HMGCLL1: variants seen among roughly 807,000 people sequenced by gnomAD.
HMGCLL1 encodes 3-hydroxymethyl-3-methylglutaryl-CoA lyase, cytoplasmic.
A neutral mutation model predicts 39.1 loss-of-function variants in HMGCLL1; 36 were observed. The ratio of observed to expected loss-of-function variants is 0.92; its 90% confidence interval spans 0.71 to 1.22. The LOEUF (loss-of-function observed/expected upper bound fraction) is 1.22. Among genes scored for constraint, HMGCLL1 ranks in the 50% most tolerant of loss-of-function variants. The pLI is 0.00. For synonymous variants in HMGCLL1, 149 were observed against 144.0 expected (o/e 1.03, Z -0.25); for missense variants, 451 against 416.5 (o/e 1.08, Z -0.72).
the HMGCLL1 span, among the ~76,000 whole-genome samples, chr6:55,645,911 AT>A: frequency 6.6e-6 from 1 of 151,908 alleles, no homozygotes; most frequent in Admixed American, 6.6e-5. Context: ...CTCATATAAA[AT>A]GAGTTTGAAA....
the HMGCLL1 span, among the ~76,000 whole-genome samples, chr6:55,621,928 G>A: frequency 6.6e-6 from 1 of 151,840 alleles, no homozygotes; most frequent in African/African-American, 2.4e-5. Flanking sequence ...ATCATGAAGT[G>A]TGTTAAATTT....
intron 7 of HMGCLL1, among the ~76,000 whole-genome samples, chr6:55,483,095 C>T (rs1400357774): frequency 1.3e-5 from 2 of 152,100 alleles, no homozygotes; most frequent in Non-Finnish European, 2.9e-5. Context: ...AAATAATAAC[C>T]TGAATAAATT....
At chr6:55,583,486 A>T (rs973257547), upstream of HMGCLL1, among the ~76,000 whole-genome samples, 1 of 151,926 alleles carries the variant, frequency 6.6e-6, no homozygotes, top group Admixed American at 6.6e-5. Flanking sequence ...GAGAATGATG[A>T]TTTCCAATTT....
At chr6:55,590,739 G>A in the HMGCLL1 span, among the ~76,000 whole-genome samples, 1 of 151,768 alleles carries the variant, frequency 6.6e-6, no homozygotes, top group South Asian at 2.1e-4. Context: ...ATAAATATAA[G>A]CACATAAATT....
chr6:55,534,803 G>A (rs1768919780), intron 3 of HMGCLL1, among the ~76,000 whole-genome samples: 1 of 152,166 alleles, frequency 6.6e-6, no homozygotes, highest in Admixed American at 6.5e-5. Flanking sequence ...AAGATTATTT[G>A]GTGTGCGGGT....
chr6:55,566,231 T>C (rs1274858353), intron 1 of HMGCLL1, among the ~76,000 whole-genome samples: 2 of 152,112 alleles, frequency 1.3e-5, no homozygotes, highest in Admixed American at 1.3e-4. Flanking sequence ...CCAAAAACAT[T>C]TGGAAGGAAA....
Position 55,570,956 on chromosome 6 carries a change from C to T in HMGCLL1, c.108+7992G>A, listed in dbSNP as rs373790178. On this transcript the variant is annotated intron_variant, in intron 1 of 8. Coordinates refer to ENST00000274901, the MANE Select transcript of HMGCLL1 (RefSeq NM_001042406.2). Reference sequence around the variant, plus strand: ...CAGGCGAGAGAGAATGAGAGCCAAGCGAAAGGGGAAACCCCTTATAAAGCC... The same window carrying T: ...CAGGCGAGAGAGAATGAGAGCCAAGTGAAAGGGGAAACCCCTTATAAAGCC... Among the ~76,000 whole-genome samples the T allele has an allele frequency of 1.3e-3, 191 of 152,228 alleles. 1 individual carries two copies. The highest frequency in any genetic ancestry group is 4.1e-3 in the African/African-American group (171 of 41,550).
chr6:55,512,644 GTCTAAC>G (rs990942378), intron 5 of HMGCLL1: 181 of 152,170 alleles, frequency 1.2e-3, no homozygotes, highest in African/African-American at 4.3e-3. Context: ...ACTAGGTATA[GTCTAAC>G]TCTAATTGTT....
At chr6:55,471,425 C>T (rs1426138260) in intron 7 of HMGCLL1, among the ~76,000 whole-genome samples, 3 of 151,558 alleles carry the variant, frequency 2.0e-5, no homozygotes, top group African/African-American at 7.3e-5. Flanking sequence ...AGGTATATAC[C>T]AAGGAATAAA....
chr6:55,603,409 G>A, the HMGCLL1 span, among the ~76,000 whole-genome samples: 1 of 151,936 alleles, frequency 6.6e-6, no homozygotes, highest in African/African-American at 2.4e-5. Flanking sequence ...GGGTTAGGGA[G>A]GTATTTGTGA....
At chr6:55,659,724 T>G in the HMGCLL1 span, among the ~76,000 whole-genome samples, 1 of 152,028 alleles carries the variant, frequency 6.6e-6, no homozygotes, top group South Asian at 2.1e-4. Context: ...TACAGACATG[T>G]ATCTTTGTTC....
the HMGCLL1 span, among the ~76,000 whole-genome samples, chr6:55,673,518 C>T: frequency 3.9e-4 from 60 of 152,064 alleles, no homozygotes; most frequent in African/African-American, 1.2e-3. Context: ...TAAACCTACA[C>T]AAGGGCGAAC....
chr6:55,576,128 A>T (rs182697554), intron 1 of HMGCLL1, among the ~76,000 whole-genome samples: 4 of 152,348 alleles, frequency 2.6e-5, no homozygotes, highest in African/African-American at 7.2e-5. Context: ...CATGAAAATA[A>T]ATATATAATG....
At chr6:55,664,053 C>T in the HMGCLL1 span, among the ~76,000 whole-genome samples, 1 of 151,660 alleles carries the variant, frequency 6.6e-6, no homozygotes, top group East Asian at 1.9e-4. Flanking sequence ...TTATTTTGAG[C>T]TTATGTGTGT....
intron 1 of HMGCLL1, among the ~76,000 whole-genome samples, chr6:55,549,086 T>C (rs1301785735): frequency 6.6e-6 from 1 of 151,666 alleles, no homozygotes; most frequent in Non-Finnish European, 1.5e-5. Context: ...TCATGGCAAT[T>C]TAACATTGAA....
chr6:55,652,857 G>A, the HMGCLL1 span, among the ~76,000 whole-genome samples: 1 of 151,938 alleles, frequency 6.6e-6, no homozygotes, highest in Non-Finnish European at 1.5e-5. Flanking sequence ...AATTAAGAGC[G>A]GATCTTGGAT....
At chr6:55,518,316 G>C (rs896316156) in intron 3 of HMGCLL1, among the ~76,000 whole-genome samples, 9 of 152,094 alleles carry the variant, frequency 5.9e-5, no homozygotes, top group Non-Finnish European at 1.3e-4. Flanking sequence ...ATAAAGGTTG[G>C]TATGGCCTAT....
At chr6:55,489,111 A>G (rs892784223) in intron 7 of HMGCLL1, among the ~76,000 whole-genome samples, 1 of 152,076 alleles carries the variant, frequency 6.6e-6, no homozygotes, top group African/African-American at 2.4e-5. Flanking sequence ...CATTATATTC[A>G]GGGGCAAGAA....
At chr6:55,657,030 T>A in the HMGCLL1 span, among the ~76,000 whole-genome samples, 4 of 151,890 alleles carry the variant, frequency 2.6e-5, no homozygotes, top group South Asian at 8.3e-4. Flanking sequence ...CTTTGCCCAC[T>A]TTTTTATGGG....
Sources: allele counts gnomAD v4.1 joint callset (sites outside exome capture counted in the v4.1 genomes callset), GRCh38; gene constraint gnomAD v4.1.1; transcripts MANE v1.5; gene names NCBI Gene and HGNC (gene_info 2026-07-23, HGNC 2026-07-21).